The following PAICS variants were observed in gnomAD, a reference collection of about 807,000 sequenced individuals.
PAICS encodes phosphoribosylaminoimidazole carboxylase and phosphoribosylaminoimidazolesuccinocarboxamide synthase.
PAICS carries 33 observed loss-of-function variants against 53.7 expected under a neutral mutation model. That is an observed-to-expected ratio of 0.61 (90% CI 0.47 to 0.82). The LOEUF (loss-of-function observed/expected upper bound fraction) is 0.82. Among genes scored for constraint, PAICS ranks in the 40% least tolerant of loss-of-function variants. PAICS has a pLI of 0.00. For synonymous variants in PAICS, 141 were observed against 167.2 expected (o/e 0.84, Z 1.21); for missense variants, 394 against 494.1 (o/e 0.80, Z 1.92).
upstream of PAICS, chr4:56,436,012 G>T: frequency 6.5e-7 from 1 of 1,528,182 alleles, no homozygotes; most frequent in Non-Finnish European, 8.8e-7. Context: ...GGGGCCGCCA[G>T]TGCGCGCCAC....
intron 2 of PAICS, chr4:56,446,340 G>C: frequency 1.4e-6 from 1 of 717,528 alleles, no homozygotes; most frequent in South Asian, 1.5e-5. Flanking sequence ...TTTTCTGTCT[G>C]AATTTGCCTA....
intron 8 of PAICS, among the ~76,000 whole-genome samples, chr4:56,454,670 T>C (rs1719098055): frequency 6.6e-6 from 1 of 152,190 alleles, no homozygotes; most frequent in African/African-American, 2.4e-5. Context: ...ATATTTTGGA[T>C]TTGGCTTCTT....
chr4:56,425,074 A>C, the PAICS span, among the ~76,000 whole-genome samples: 1 of 152,224 alleles, frequency 6.6e-6, no homozygotes, highest in Non-Finnish European at 1.5e-5. Context: ...TGGTTGTAGC[A>C]AAACATATTT....
At chr4:56,435,972 C>T (rs555383179), upstream of PAICS, 4 of 1,516,866 alleles carry the variant, frequency 2.6e-6, no homozygotes, top group Middle Eastern at 1.8e-4. Flanking sequence ...GAGAAGGGGC[C>T]GGGGTATGCG....
chr4:56,457,401 G>A (rs754932513), intron 8 of PAICS, among the ~76,000 whole-genome samples: 16 of 152,066 alleles, frequency 1.1e-4, no homozygotes, highest in South Asian at 2.1e-4. Context: ...GAGCGAGACC[G>A]TGTCTCAGAA....
chr4:56,459,699 T>G lies in PAICS; in HGVS notation c.*161T>G. The G allele has an allele frequency of 3.6e-6, 2 of 549,042 alleles. No individual in the cohort carries two copies. The highest frequency in any genetic ancestry group is 6.4e-6 in the Non-Finnish European group (2 of 310,146). 34.0% of individuals were successfully genotyped at this position (549,042 alleles called of 1,614,324 possible). A position where few individuals can be genotyped will look rare whatever the true frequency, so the allele number is the denominator to read the frequency against. ...AGATCCATATTAATAAACATGAGCA[T>G]CTAACCCCTCCTTTCTTAGGCTAGA... On this transcript the variant is annotated 3_prime_UTR_variant, in exon 9 of 9. Coordinates refer to ENST00000512576, the MANE Select transcript of PAICS (RefSeq NM_001079524.2).
Position 56,461,572 on chromosome 4 carries a change from G to A in PAICS, c.*2034G>A, listed in dbSNP as rs975902140. 2 of 151,846 alleles carry A rather than the reference G, an allele frequency of 1.3e-5. No homozygotes were observed. Among genetic ancestry groups the A allele is most frequent in the African/African-American group, 2.4e-5 (1 of 41,286 alleles). The allele number at this position is 151,846 out of a possible 1,614,324, so 9.4% of individuals were successfully genotyped here. On this transcript the variant is annotated 3_prime_UTR_variant, in exon 9 of 9. Transcript: ENST00000512576. ...CCAAGTTCTCACTGTCTCCCAGGCT[G>A]GAGTGCAGTGGCATGATTATGGCTC...
intron 1 of PAICS, among the ~76,000 whole-genome samples, chr4:56,438,884 C>G (rs1718189687): frequency 6.6e-6 from 1 of 152,152 alleles, no homozygotes; most frequent in Non-Finnish European, 1.5e-5. Context: ...TTTCTAGTGG[C>G]TGCCTTATTG....
In PAICS at chr4:56,442,000, C is replaced by T. The variant is rs994606563; in HGVS notation, c.214+140C>T. ...AGTGAATTTAAATCAAACCAAGAAC[C>T]CTTAAACTTCACTATAACACCTTAT... On this transcript the variant is annotated intron_variant, in intron 2 of 8. Transcript: ENST00000512576. 12 of 601,898 alleles carry T rather than the reference C, an allele frequency of 2.0e-5. No individual in the cohort carries two copies. In the Middle Eastern group the frequency reaches 7.7e-4, roughly 39 times the overall value. 37.3% of individuals were successfully genotyped at this position (601,898 alleles called of 1,614,324 possible).
At chr4:56,427,642 TAAAA>T in the PAICS span, among the ~76,000 whole-genome samples, 2 of 140,492 alleles carry the variant, frequency 1.4e-5, no homozygotes, top group Non-Finnish European at 1.5e-5. Context: ...CCCTGTCTCT[TAAAA>T]AAAAAAAAAA....
At chr4:56,436,551 G>A (rs1352687225) in intron 1 of PAICS, 1 of 707,402 alleles carries the variant, frequency 1.4e-6, no homozygotes, top group Admixed American at 2.0e-5. Flanking sequence ...AAATGGCCAA[G>A]GGGTGGAAAG....
intron 2 of PAICS, among the ~76,000 whole-genome samples, chr4:56,444,647 A>G (rs1718506779): frequency 6.6e-6 from 1 of 152,170 alleles, no homozygotes; most frequent in Admixed American, 6.5e-5. Flanking sequence ...CTCACCATGC[A>G]CAGTCATGGA....
At chr4:56,425,012 A>G in the PAICS span, among the ~76,000 whole-genome samples, 3 of 152,212 alleles carry the variant, frequency 2.0e-5, no homozygotes, top group African/African-American at 7.2e-5. Flanking sequence ...ATCACAAGTG[A>G]AATACCTCAA....
chr4:56,436,184 G>A, upstream of PAICS: 1 of 1,509,880 alleles, frequency 6.6e-7, no homozygotes, highest in South Asian at 1.3e-5. Context: ...AGCGGAGCTC[G>A]AAAAGAGTGG....
intron 2 of PAICS, among the ~76,000 whole-genome samples, chr4:56,445,081 C>T (rs1718537671): frequency 6.6e-6 from 1 of 152,028 alleles, no homozygotes; most frequent in Non-Finnish European, 1.5e-5. Flanking sequence ...CCCCTCTTTT[C>T]ATTTTTTCCT....
rs547689640 is a variant in PAICS, at chr4:56,443,818, G to A, written c.214+1958G>A. Among the ~76,000 whole-genome samples, 20 of 152,286 alleles carry A rather than the reference G, an allele frequency of 1.3e-4. 2 individuals are homozygous for A. In the South Asian group the frequency reaches 4.1e-3, roughly 32 times the overall value. On this transcript the variant is annotated intron_variant, in intron 2 of 8. Coordinates refer to ENST00000512576, the MANE Select transcript of PAICS (RefSeq NM_001079524.2). ...ATTCTGAAGAGTCCTGTGATCAGGG[G>A]AACAGGGAAGGATGGTTACCTAAAT...
chr4:56,452,105 A>G, intron 7 of PAICS, 53 bp downstream of exon 7: 1 of 1,178,146 alleles, frequency 8.5e-7, no homozygotes, highest in Non-Finnish European at 1.2e-6. Flanking sequence ...TGCTAAAAGT[A>G]ATTACACACT....
the PAICS span, among the ~76,000 whole-genome samples, chr4:56,428,347 T>C: frequency 5.3e-5 from 8 of 152,086 alleles, no homozygotes; most frequent in African/African-American, 1.2e-4. Flanking sequence ...AGCATTGATA[T>C]GGTCTGATGA....
At chr4:56,421,246 T>A in the PAICS span, 1 of 155,960 alleles carries the variant, frequency 6.4e-6, no homozygotes, top group Admixed American at 6.5e-5. Flanking sequence ...TGTCATTGTC[T>A]CCCATCACTC....
Sources: allele counts gnomAD v4.1 joint callset (sites outside exome capture counted in the v4.1 genomes callset), GRCh38; gene constraint gnomAD v4.1.1; transcripts MANE v1.5; gene names NCBI Gene and HGNC (gene_info 2026-07-23, HGNC 2026-07-21).